Variants in PJA2 observed in about 807,000 individuals in gnomAD.
The protein encoded by PJA2 is praja ring finger ubiquitin ligase 2.
A neutral mutation model predicts 69.3 loss-of-function variants in PJA2; 25 were observed. The observed-to-expected ratio is 0.36, with a 90% confidence interval of 0.26 to 0.50. The LOEUF (loss-of-function observed/expected upper bound fraction) is 0.50. PJA2 is among the 20% of genes least tolerant of loss of function. The pLI is 0.96. For missense variants in PJA2, 809 were observed against 830.2 expected (o/e 0.97, Z 0.31); for synonymous variants, 308 against 277.8 (o/e 1.11, Z -1.08).
At chr5:109,351,116 T>TAAAAA (rs35779470) in intron 7 of PJA2, among the ~76,000 whole-genome samples, 1 of 138,116 alleles carries the variant, frequency 7.2e-6, no homozygotes. Context: ...ATCCTTTGCT[T>TAAAAA]AAAAAAAAAA....
Position 109,337,321 on chromosome 5 carries a change from T to A in PJA2, c.2037A>T (p.Pro679=). ...CTGCAGATGCTTCAATAACCGCAGG[T>A]GGGAAATGACGGCGGCACACAGGGC... The part of the protein sequence containing the change: ...GTCPVCRRHF[P]PAVIEASAAP... The change falls in exon 10 of 10, where the codon CCA becomes CCT. Residue 679 remains proline, a synonymous_variant. Coordinates refer to ENST00000361189, the MANE Select transcript of PJA2 (RefSeq NM_014819.5). 1 of 1,612,050 alleles carries A rather than the reference T, an allele frequency of 6.2e-7. No homozygotes were observed. The highest frequency in any genetic ancestry group is 1.1e-5 in the South Asian group (1 of 90,906).
intron 1 of PJA2, among the ~76,000 whole-genome samples, chr5:109,399,038 C>T (rs1747482334): frequency 1.3e-5 from 2 of 151,898 alleles, no homozygotes; most frequent in Admixed American, 1.3e-4. Flanking sequence ...ATGGTGAAAC[C>T]CCATCTCTAC....
chr5:109,354,882 G>T (rs1243948925), intron 7 of PJA2, among the ~76,000 whole-genome samples: 2 of 151,852 alleles, frequency 1.3e-5, no homozygotes, highest in African/African-American at 2.4e-5. Context: ...TGGGAGGCCA[G>T]AGTGGGAGGA....
chr5:109,349,303 C>T (rs578133614), intron 7 of PJA2, among the ~76,000 whole-genome samples: 131 of 152,296 alleles, frequency 8.6e-4, no homozygotes, highest in Non-Finnish European at 1.6e-3. Flanking sequence ...TCCCTCCTAA[C>T]AGCTGGCATG....
chr5:109,373,818 A>T (rs1166230328), intron 4 of PJA2, among the ~76,000 whole-genome samples: 1 of 152,198 alleles, frequency 6.6e-6, no homozygotes, highest in African/African-American at 2.4e-5. Flanking sequence ...ATTGTGAACT[A>T]AAAAAACTTG....
At chr5:109,349,340 T>C (rs543616075) in intron 7 of PJA2, among the ~76,000 whole-genome samples, 15 of 152,304 alleles carry the variant, frequency 9.8e-5, no homozygotes, top group Admixed American at 7.2e-4. Flanking sequence ...ACAGAGGATG[T>C]TGAAGAACAC....
intron 6 of PJA2, among the ~76,000 whole-genome samples, chr5:109,358,129 C>A (rs1582596896): frequency 6.6e-6 from 1 of 152,166 alleles, no homozygotes; most frequent in South Asian, 2.1e-4. Context: ...ATGACATGTT[C>A]ATGATGGCCA....
intron 2 of PJA2, among the ~76,000 whole-genome samples, chr5:109,382,982 G>A (rs973736629): frequency 1.3e-5 from 2 of 151,950 alleles, no homozygotes; most frequent in African/African-American, 2.4e-5. Flanking sequence ...CGCACATATC[G>A]AGTATAAATA....
chr5:109,402,909 A>T (rs1747584815), intron 1 of PJA2, among the ~76,000 whole-genome samples: 1 of 152,140 alleles, frequency 6.6e-6, no homozygotes, highest in Non-Finnish European at 1.5e-5. Flanking sequence ...AAATTTGTGT[A>T]AGCACCTCAG....
chr5:109,351,455 T>C (rs1762250242), intron 7 of PJA2, among the ~76,000 whole-genome samples: 1 of 152,164 alleles, frequency 6.6e-6, no homozygotes, highest in Non-Finnish European at 1.5e-5. Context: ...TGTAACTCAA[T>C]TTAACCACTT....
At chr5:109,342,454 GC>G (rs1159700042) in intron 9 of PJA2, among the ~76,000 whole-genome samples, 148 of 131,004 alleles carry the variant, frequency 1.1e-3, no homozygotes, top group African/African-American at 2.5e-3. Flanking sequence ...CCGGCCAGCC[GC>G]CCCGTCCGGG....
intron 5 of PJA2, among the ~76,000 whole-genome samples, chr5:109,363,754 C>T (rs1283179903): frequency 6.6e-6 from 1 of 151,952 alleles, no homozygotes; most frequent in Non-Finnish European, 1.5e-5. Context: ...CAGTCTACTC[C>T]TACTAGAAAC....
At chr5:109,371,119 C>T (rs913613824) in intron 4 of PJA2, among the ~76,000 whole-genome samples, 2 of 152,032 alleles carry the variant, frequency 1.3e-5, no homozygotes, top group South Asian at 4.1e-4. Context: ...TCTTAGTCAC[C>T]AAAGCCTAAA....
At chr5:109,344,577 A>G in intron 8 of PJA2, 128 bp downstream of exon 8, 1 of 699,592 alleles carries the variant, frequency 1.4e-6, no homozygotes, top group Non-Finnish European at 2.3e-6. Context: ...GTTTGTGAGC[A>G]TCTGGTTTCT....
Position 109,368,558 on chromosome 5 carries a change from T to C in PJA2, c.1469+3A>G. 6.2e-7 allele frequency: 1 copy of C among 1,610,968 alleles called. No individual in the cohort carries two copies. The highest frequency in any genetic ancestry group is 1.1e-5 in the South Asian group (1 of 90,576). On this transcript the variant is annotated splice_donor_region_variant and intron_variant, in intron 5 of 9. Coordinates refer to ENST00000361189, the MANE Select transcript of PJA2 (RefSeq NM_014819.5). ...GAAAAATAAATCTCACTGTTGAACA[T>C]ACCCTTCCTGAAGAGATAATTCTTG... is the stretch of plus-strand genomic sequence containing the variant.
intron 9 of PJA2, 102 bp from the exon 10 acceptor site, chr5:109,337,458 CTT>C (rs2126982000): frequency 1.5e-6 from 2 of 1,320,314 alleles, no homozygotes; most frequent in South Asian, 3.4e-5. Flanking sequence ...TAATAAGACT[CTT>C]AACAACAAAA....
intron 7 of PJA2, among the ~76,000 whole-genome samples, chr5:109,354,013 TAGATATCTATGATATCTAG>T (rs1388541340): frequency 1.4e-5 from 2 of 144,524 alleles, no homozygotes; most frequent in East Asian, 2.1e-4. Context: ...ATCTATAGAT[TAGATATCTATGATATCTAG>T]AGATATCTAT....
chr5:109,358,521 C>T (rs761501059), intron 6 of PJA2, among the ~76,000 whole-genome samples: 4 of 152,130 alleles, frequency 2.6e-5, no homozygotes, highest in Non-Finnish European at 5.9e-5. Context: ...ATTGCTCTAG[C>T]GCCACTGGGT....
In PJA2 at chr5:109,344,823, A is replaced by C. The variant is rs923400642; in HGVS notation, c.1765-4T>G. On this transcript the variant is annotated splice_polypyrimidine_tract_variant and splice_region_variant and intron_variant, in intron 7 of 9. Transcript: ENST00000361189. ...ACTCTAAATGGGCCAGAGCAGTCTG[A>C]AAAACAAAAGGTACAGTTCTTTGTT... The C allele has an allele frequency of 1.3e-6, 2 of 1,593,202 alleles. No homozygotes were observed. The highest frequency in any genetic ancestry group is 1.7e-6 in the Non-Finnish European group (2 of 1,164,362).
Sources: gnomAD v4.1 joint callset for allele counts (sites outside exome capture counted in the v4.1 genomes callset) on GRCh38, gnomAD v4.1.1 for gene constraint, MANE v1.5 for transcripts, NCBI Gene and HGNC (gene_info 2026-07-23, HGNC 2026-07-21) for gene names.